Variants in GRIK3 observed in about 807,000 individuals in gnomAD.
GRIK3 encodes glutamate receptor ionotropic, kainate 3.
Under a neutral mutation model 102.5 loss-of-function variants are expected in GRIK3, and 29 were observed. The ratio of observed to expected loss-of-function variants is 0.28; its 90% confidence interval spans 0.21 to 0.39. GRIK3 has a LOEUF of 0.39. Ranked by LOEUF, GRIK3 falls within the 10% of genes least tolerant of loss-of-function variation. The probability of loss-of-function intolerance (pLI) is 1.00; values close to 1 mark genes in which losing one functional copy is unlikely to be tolerated. For missense variants in GRIK3, 908 were observed against 1,252.4 expected, an observed-to-expected ratio of 0.73 and a Z score of 4.15; for synonymous variants, 511 against 504.9, an observed-to-expected ratio of 1.01 and a Z score of -0.16.
At chr1:36,929,789 A>C (rs559593352) in intron 1 of GRIK3, among the ~76,000 whole-genome samples, 1 of 152,360 alleles carries the variant, frequency 6.6e-6, no homozygotes, top group East Asian at 1.9e-4. Context: ...TATCTCACAA[A>C]GTTTCTTCAT....
intron 2 of GRIK3, among the ~76,000 whole-genome samples, chr1:36,889,004 G>A (rs1270338309): frequency 2.6e-5 from 4 of 152,042 alleles, no homozygotes; most frequent in African/African-American, 9.7e-5. Context: ...CAAACTACCA[G>A]GACTGATTTT....
intron 1 of GRIK3, among the ~76,000 whole-genome samples, chr1:36,926,204 G>T (rs944297427): frequency 6.6e-6 from 1 of 152,144 alleles, no homozygotes; most frequent in African/African-American, 2.4e-5. Context: ...CTAACTGTTT[G>T]TGGTCCTGAC....
intron 13 of GRIK3, among the ~76,000 whole-genome samples, chr1:36,808,607 C>A (rs1230751114): frequency 6.6e-6 from 1 of 152,182 alleles, no homozygotes; most frequent in Non-Finnish European, 1.5e-5. Flanking sequence ...GTCCTGCCAA[C>A]AAGCATGCAG....
At chr1:36,837,092 C>T (rs1640388842) in intron 10 of GRIK3, among the ~76,000 whole-genome samples, 1 of 151,998 alleles carries the variant, frequency 6.6e-6, no homozygotes, top group East Asian at 1.9e-4. Flanking sequence ...TGGCTTCCAC[C>T]CTTTCATCTG....
At chr1:36,989,983 T>C (rs543509848) in intron 1 of GRIK3, among the ~76,000 whole-genome samples, 3 of 152,254 alleles carry the variant, frequency 2.0e-5, no homozygotes, top group Admixed American at 1.3e-4. Flanking sequence ...GATGGGAGAA[T>C]GGAAGCACAG....
In GRIK3 at chr1:36,841,954, G is replaced by A. The variant is rs1314998170; in HGVS notation, c.1327-15C>T. On this transcript the variant is annotated splice_polypyrimidine_tract_variant and intron_variant, in intron 9 of 15. Coordinates refer to ENST00000373091, the MANE Select transcript of GRIK3 (RefSeq NM_000831.4). The stretch of plus-strand genomic sequence containing the variant: ...AAGGGCTCCTCCTGCAGAGACAGAT[G>A]GGCAGGGTGTGACGAAGACTGAGCA... 4 of 1,608,826 alleles carry A rather than the reference G, an allele frequency of 2.5e-6. No homozygotes were observed. The highest frequency in any genetic ancestry group is 2.6e-6 in the Non-Finnish European group (3 of 1,175,384).
Position 37,010,643 on chromosome 1 carries a change from C to T in GRIK3, c.115+23351G>A, listed in dbSNP as rs142591340. 1.2e-4 allele frequency among the ~76,000 whole-genome samples: 18 copies of T among 152,254 alleles called. 1 individual carries two copies. The East Asian group carries it at 2.9e-3, about 24-fold the overall frequency. ...CGGCTGTAATGCTTGTAGAAAGCAC[C>T]CAGGAGTTGCCCAACCTTCCCGTCT... On this transcript the variant is annotated intron_variant, in intron 1 of 15. Coordinates refer to ENST00000373091, the MANE Select transcript of GRIK3 (RefSeq NM_000831.4).
chr1:36,836,300 A>G (rs1005401302), intron 10 of GRIK3, among the ~76,000 whole-genome samples: 2 of 152,216 alleles, frequency 1.3e-5, no homozygotes, highest in Non-Finnish European at 2.9e-5. Context: ...CTCACACACC[A>G]TGGCTGGGAA....
At chr1:36,943,982 G>C (rs1641755831) in intron 1 of GRIK3, among the ~76,000 whole-genome samples, 1 of 152,212 alleles carries the variant, frequency 6.6e-6, no homozygotes, top group Non-Finnish European at 1.5e-5. Flanking sequence ...AGGGACTTTA[G>C]CTTGGCAGAA....
At chr1:36,849,045 T>C (rs1640551100) in intron 9 of GRIK3, among the ~76,000 whole-genome samples, 1 of 152,110 alleles carries the variant, frequency 6.6e-6, no homozygotes, top group Non-Finnish European at 1.5e-5. Flanking sequence ...ATCCTCTCAA[T>C]CATCCTAACC....
At chr1:37,005,812 C>T (rs1376919470) in intron 1 of GRIK3, among the ~76,000 whole-genome samples, 2 of 152,196 alleles carry the variant, frequency 1.3e-5, no homozygotes, top group African/African-American at 2.4e-5. Flanking sequence ...AATCCTCTGT[C>T]CCCGTGGAGT....
chr1:37,017,354 T>G (rs709292), intron 1 of GRIK3, among the ~76,000 whole-genome samples: 69,147 of 129,014 alleles, frequency 0.54, 18,808 homozygotes, highest in African/African-American at 0.7. Context: ...GGCAACATAG[T>G]GAGACCCTGT....
chr1:37,031,163 G>A (rs1007512499), intron 1 of GRIK3, among the ~76,000 whole-genome samples: 3 of 151,962 alleles, frequency 2.0e-5, no homozygotes, highest in Non-Finnish European at 4.4e-5. Flanking sequence ...AATATGGCTT[G>A]AAAACCTTCA....
chr1:37,020,117 C>T (rs945721056), intron 1 of GRIK3, among the ~76,000 whole-genome samples: 52 of 152,218 alleles, frequency 3.4e-4, no homozygotes, highest in Middle Eastern at 3.2e-3. Context: ...AGCCAACTCT[C>T]CATACCCCAG....
At chr1:36,869,475 G>C (rs1640819975) in intron 5 of GRIK3, among the ~76,000 whole-genome samples, 1 of 152,222 alleles carries the variant, frequency 6.6e-6, no homozygotes, top group Non-Finnish European at 1.5e-5. Flanking sequence ...GAGGCAGGGA[G>C]GTTAAGTGCC....
intron 1 of GRIK3, among the ~76,000 whole-genome samples, chr1:37,014,844 ATCTTTTCTTTTCTTT>A (rs57927286): frequency 1.6e-4 from 21 of 133,182 alleles, no homozygotes; most frequent in East Asian, 3.9e-4. Flanking sequence ...CTCTTTTCTT[ATCTTTTCTTTTCTTT>A]TCTTTTCTTT....
intron 1 of GRIK3, among the ~76,000 whole-genome samples, chr1:36,955,811 C>T (rs1641899200): frequency 1.3e-5 from 2 of 152,274 alleles, no homozygotes; most frequent in African/African-American, 4.8e-5. Context: ...TCCAGAGTGT[C>T]TGTGGCCTTT....
rs139055732 is a variant in GRIK3, at chr1:36,821,283, T to G, written c.1755-1429A>C. Among the ~76,000 whole-genome samples the G allele has an allele frequency of 2.1e-3, 313 of 152,340 alleles. 3 individuals carry two copies. The East Asian group carries it at 0.027, about 13-fold the overall frequency. On this transcript the variant is annotated intron_variant, in intron 11 of 15. Coordinates refer to ENST00000373091, the MANE Select transcript of GRIK3 (RefSeq NM_000831.4). ...TCAAAGGAAATGACCACAAACTGGTTAGAGGCTCTAAAATCCACAGGGAAG... is the reference window on the plus strand; with the variant it reads ...TCAAAGGAAATGACCACAAACTGGTGAGAGGCTCTAAAATCCACAGGGAAG...
chr1:36,977,906 G>A (rs182057117), intron 1 of GRIK3, among the ~76,000 whole-genome samples: 31 of 152,338 alleles, frequency 2.0e-4, no homozygotes, highest in Admixed American at 7.8e-4. Flanking sequence ...CAACTCTGGG[G>A]GCAGGCCCTG....
Sources: gnomAD v4.1 joint callset for allele counts (sites outside exome capture counted in the v4.1 genomes callset) on GRCh38, gnomAD v4.1.1 for gene constraint, MANE v1.5 for transcripts, NCBI Gene and HGNC (gene_info 2026-07-23, HGNC 2026-07-21) for gene names.